The following RANBP2 variants were observed in gnomAD, a reference collection of about 807,000 sequenced individuals.
RANBP2 encodes the protein E3 SUMO-protein ligase RanBP2.
In RANBP2, 57 loss-of-function variants were observed where a neutral mutation model predicts 303.6. The ratio of observed to expected loss-of-function variants is 0.19; its 90% CI spans 0.15 to 0.23. The LOEUF is 0.23. Among genes scored for constraint, RANBP2 ranks in the 10% least tolerant of loss-of-function variants. RANBP2 has a pLI of 1.00. For synonymous variants in RANBP2, 1,167 were observed against 1,301.5 expected, an observed-to-expected ratio of 0.90 and a Z score of 2.23; for missense variants, 3,138 against 3,780.8, an observed-to-expected ratio of 0.83 and a Z score of 4.46.
At chr2:109,012,649 TC>T in the RANBP2 span, among the ~76,000 whole-genome samples, 78 of 152,308 alleles carry the variant, frequency 5.1e-4, no homozygotes, top group Middle Eastern at 0.014. Flanking sequence ...GCGCGGTGGC[TC>T]ACGCCTGTAA....
chr2:109,450,762 C>T, the RANBP2 span, among the ~76,000 whole-genome samples: 979 of 152,294 alleles, frequency 6.4e-3, 10 homozygotes, highest in African/African-American at 0.022. Flanking sequence ...ATCCCTAGGG[C>T]GTTGGGCTGG....
Position 108,765,489 on chromosome 2 carries a change from A to G in RANBP2, c.4950A>G (p.Thr1650=), listed in dbSNP as rs1553496153. ...SAVSTPASSE[T]SKAPKSGFEG... ...TTTCAACACCTGCCTCTTCAGAGACAAGCAAGGCTCCAAAGAGCGGATTTG... is the reference window on the plus strand; with the variant it reads ...TTTCAACACCTGCCTCTTCAGAGACGAGCAAGGCTCCAAAGAGCGGATTTG... Residue 1650 remains threonine (T), a synonymous_variant, in exon 20 of 29, where the codon ACA becomes ACG. Transcript: ENST00000283195. 1.3e-6 allele frequency: 2 copies of G among 1,564,798 alleles called. No homozygotes were observed. Among genetic ancestry groups the G allele is most frequent in the Admixed American group, 1.8e-5 (1 of 55,374 alleles).
chr2:108,811,064 T>C, the RANBP2 span, among the ~76,000 whole-genome samples: 1 of 150,854 alleles, frequency 6.6e-6, no homozygotes, highest in South Asian at 2.1e-4. Context: ...ATTTTTCCGA[T>C]TTTATCTGTT....
At chr2:109,412,137 T>A in the RANBP2 span, among the ~76,000 whole-genome samples, 1 of 152,208 alleles carries the variant, frequency 6.6e-6, no homozygotes, top group Non-Finnish European at 1.5e-5. Flanking sequence ...ACAGATGGGA[T>A]GGTGAGCCTT....
chr2:109,371,376 C>T, the RANBP2 span, among the ~76,000 whole-genome samples: 39 of 152,298 alleles, frequency 2.6e-4, no homozygotes, highest in Admixed American at 1.0e-3. Flanking sequence ...GGTGGCAGAG[C>T]GAGACTCCGC....
At chr2:109,097,789 T>C in the RANBP2 span, among the ~76,000 whole-genome samples, 6 of 151,888 alleles carry the variant, frequency 4.0e-5, no homozygotes, top group African/African-American at 1.5e-4. Flanking sequence ...ACTCCCACCC[T>C]GTCCCTGTAG....
At chr2:108,978,430 C>G in the RANBP2 span, among the ~76,000 whole-genome samples, 3 of 152,158 alleles carry the variant, frequency 2.0e-5, no homozygotes, top group Admixed American at 1.3e-4. Flanking sequence ...CGTGTCTTTG[C>G]TAATCTGTGG....
chr2:109,218,141 T>G, the RANBP2 span, among the ~76,000 whole-genome samples: 1 of 131,040 alleles, frequency 7.6e-6, no homozygotes, highest in Admixed American at 7.9e-5. Flanking sequence ...TGTCCTCTCC[T>G]TTTCTGTTCT....
chr2:109,131,535 G>T, the RANBP2 span, among the ~76,000 whole-genome samples: 19 of 152,144 alleles, frequency 1.2e-4, no homozygotes, highest in Middle Eastern at 3.2e-3. Flanking sequence ...AAAACGCTGG[G>T]ACATTCTGAT....
rs758206047 is a variant in RANBP2 at position 108,766,689 on chromosome 2, T to G, written c.6150T>G (p.Ser2050Arg). ...TATTTAGATTTGATGCTGAGGTAAGTCAGTGGAAAGAAAGGGGCTTGGGGA... is the reference window on the plus strand; with the variant it reads ...TATTTAGATTTGATGCTGAGGTAAGGCAGTGGAAAGAAAGGGGCTTGGGGA... Reference protein sequence around the residue: ...VKLFRFDAEVSQWKERGLGNL... With the variant: ...VKLFRFDAEVRQWKERGLGNL... The change falls in exon 20 of 29, where the codon AGT becomes AGG. Residue 2050 changes from serine (S) to arginine (R), a missense_variant. By Grantham distance (110) the Ser-to-Arg change is moderately radical. Transcript: ENST00000283195. 3.0e-5 allele frequency: 49 copies of G among 1,611,766 alleles called. No individual in the cohort carries two copies. The highest frequency in any genetic ancestry group is 8.0e-5 in the African/African-American group (6 of 74,804).
the RANBP2 span, among the ~76,000 whole-genome samples, chr2:109,698,995 T>A: frequency 6.6e-6 from 1 of 152,182 alleles, no homozygotes; most frequent in Non-Finnish European, 1.5e-5. Flanking sequence ...TGTGGGTTGG[T>A]TGGAGAGGTT....
At chr2:109,508,246 T>TC in the RANBP2 span, among the ~76,000 whole-genome samples, 1 of 152,164 alleles carries the variant, frequency 6.6e-6, no homozygotes. Flanking sequence ...CCTCCCTGAC[T>TC]CAGCCATTTT....
At chr2:109,483,855 T>C in the RANBP2 span, among the ~76,000 whole-genome samples, 1 of 151,942 alleles carries the variant, frequency 6.6e-6, no homozygotes, top group Non-Finnish European at 1.5e-5. Context: ...AGCCCCACCA[T>C]CCCCTGCTTA....
the RANBP2 span, among the ~76,000 whole-genome samples, chr2:108,877,194 G>A: frequency 0.021 from 3,186 of 152,226 alleles, 112 homozygotes; most frequent in South Asian, 0.082. Flanking sequence ...AAGGCCAGGC[G>A]CGGTGGCTTA....
the RANBP2 span, among the ~76,000 whole-genome samples, chr2:109,548,345 GT>G: frequency 7.8e-4 from 118 of 152,236 alleles, no homozygotes; most frequent in African/African-American, 2.8e-3. Flanking sequence ...TTAGTTCTGG[GT>G]AGAAACCTGG....
downstream of RANBP2, chr2:108,788,719 CAAAGAAAAAA>C (rs573662786): frequency 2.8e-3 from 3,599 of 1,288,440 alleles, 79 homozygotes; most frequent in African/African-American, 0.05. Context: ...GACTCCGTCT[CAAAGAAAAAA>C]AAAGAAAAAA....
intron 7 of RANBP2, among the ~76,000 whole-genome samples, chr2:108,743,058 G>A (rs1407027611): frequency 1.3e-5 from 2 of 152,204 alleles, no homozygotes; most frequent in African/African-American, 4.8e-5. Context: ...CAAAGTGCTG[G>A]CATTATAGGC....
At chr2:109,632,693 G>A in the RANBP2 span, among the ~76,000 whole-genome samples, 2 of 152,062 alleles carry the variant, frequency 1.3e-5, no homozygotes, top group African/African-American at 2.4e-5. Flanking sequence ...GGTGGCGGGC[G>A]CCTGTAGTCC....
At chr2:109,108,906 G>A in the RANBP2 span, among the ~76,000 whole-genome samples, 1 of 151,610 alleles carries the variant, frequency 6.6e-6, no homozygotes, top group African/African-American at 2.4e-5. Context: ...TTGGAACTCC[G>A]GGAGGCTCAG....
Sources: allele counts gnomAD v4.1 joint callset (sites outside exome capture counted in the v4.1 genomes callset), GRCh38; gene constraint gnomAD v4.1.1; transcripts MANE v1.5; gene names NCBI Gene and HGNC (gene_info 2026-07-23, HGNC 2026-07-21).